Variants in GULP1 observed in about 807,000 individuals in gnomAD.
GULP1 encodes the protein PTB domain-containing engulfment adapter protein 1.
GULP1 carries 19 observed loss-of-function variants against 40.9 expected under a neutral mutation model. The ratio of observed to expected loss-of-function variants is 0.46; its 90% CI spans 0.32 to 0.68. The LOEUF (loss-of-function observed/expected upper bound fraction) is 0.68, where lower values mean the gene tolerates loss of function less well. Among genes scored for constraint, GULP1 ranks in the 30% least tolerant of loss-of-function variants. The pLI is 0.03. For missense variants in GULP1, 312 were observed against 362.2 expected (o/e 0.86, Z 1.12); for synonymous variants, 119 against 117.6 (o/e 1.01, Z -0.08).
intron 4 of GULP1, among the ~76,000 whole-genome samples, chr2:188,507,396 CTTT>C (rs5837091): frequency 3.8e-4 from 39 of 103,516 alleles, no homozygotes; most frequent in Non-Finnish European, 3.6e-4. Flanking sequence ...CATTTGTTTT[CTTT>C]TTTTTTTTTT....
At position 188,346,246 on chromosome 2, in the gene GULP1, A is replaced by AT. The variant is rs1032255697; in HGVS notation, c.-171-37515dup. Among the ~76,000 whole-genome samples the AT allele has an allele frequency of 8.1e-4, 123 of 152,174 alleles. 1 individual carries two copies. The highest frequency in any genetic ancestry group is 2.9e-3 in the African/African-American group (119 of 41,450). Reference sequence around the variant, plus strand: ...TTAAATCCATGTAATGATCAGTTGTATTATAATAGGATGTTGGCTTGAGCC... The same window carrying AT: ...TTAAATCCATGTAATGATCAGTTGTATTTATAATAGGATGTTGGCTTGAGCC... On this transcript the variant is annotated intron_variant, in intron 1 of 11. Transcript: ENST00000409830.
chr2:188,384,999 G>T (rs926094029), intron 2 of GULP1, among the ~76,000 whole-genome samples: 1 of 152,150 alleles, frequency 6.6e-6, no homozygotes, highest in Non-Finnish European at 1.5e-5. Context: ...GGTGCAGGGT[G>T]CAAGTTGTTG....
intron 2 of GULP1, among the ~76,000 whole-genome samples, chr2:188,429,065 T>C (rs2056558346): frequency 6.6e-6 from 1 of 152,192 alleles, no homozygotes; most frequent in Admixed American, 6.5e-5. Flanking sequence ...GAAACATGAC[T>C]AAATGAGTAT....
Position 188,569,372 on chromosome 2 carries a change from T to G in GULP1, c.516+17T>G, listed in dbSNP as rs750957365. 1 of 1,195,172 alleles carries G rather than the reference T, an allele frequency of 8.4e-7. No homozygotes were observed. Among genetic ancestry groups the G allele is most frequent in the South Asian group, 1.2e-5 (1 of 82,746 alleles). The allele number at this position is 1,195,172 out of a possible 1,614,324, so 74.0% of individuals were successfully genotyped here. A position where few individuals can be genotyped will look rare whatever the true frequency, so the allele number is the denominator to read the frequency against. ...CAAAAAAGAGTGAGTAAACTAAGCT[T>G]GTTGTTTTACATTTGTGTGATGTAA... On this transcript the variant is annotated intron_variant, in intron 8 of 11. Coordinates refer to ENST00000409830, the MANE Select transcript of GULP1 (RefSeq NM_016315.4).
chr2:188,414,678 G>C (rs1398134528), intron 2 of GULP1, among the ~76,000 whole-genome samples: 1 of 152,140 alleles, frequency 6.6e-6, no homozygotes, highest in Non-Finnish European at 1.5e-5. Context: ...AGGAGTTTTT[G>C]TAATATGTCA....
chr2:188,506,746 C>G (rs1410455035), intron 4 of GULP1, among the ~76,000 whole-genome samples: 1 of 151,984 alleles, frequency 6.6e-6, no homozygotes. Context: ...CCTTGTTATT[C>G]AGTAAGTAGT....
intron 1 of GULP1, among the ~76,000 whole-genome samples, chr2:188,372,243 C>T (rs1259016412): frequency 2.0e-5 from 3 of 152,060 alleles, no homozygotes; most frequent in Non-Finnish European, 2.9e-5. Context: ...TCTAGTTCTC[C>T]AGAGGAGTTA....
intron 7 of GULP1, among the ~76,000 whole-genome samples, chr2:188,556,817 C>T (rs947038838): frequency 5.3e-5 from 8 of 151,980 alleles, no homozygotes; most frequent in East Asian, 3.9e-4. Context: ...GGGTGGATCA[C>T]GAGGTCAGGA....
At chr2:188,436,998 C>T (rs185574966) in intron 2 of GULP1, among the ~76,000 whole-genome samples, 250 of 152,212 alleles carry the variant, frequency 1.6e-3, no homozygotes, top group Non-Finnish European at 2.2e-3. Flanking sequence ...ACAGCATTAT[C>T]CACTATAGTT....
chr2:188,317,337 A>T (rs2039251406), intron 1 of GULP1, among the ~76,000 whole-genome samples: 1 of 151,952 alleles, frequency 6.6e-6, no homozygotes, highest in African/African-American at 2.4e-5. Flanking sequence ...TAGGAAACAT[A>T]TTTTTACAAG....
At position 188,312,773 on chromosome 2, in the gene GULP1, A is replaced by G. The variant is rs755964049; in HGVS notation, c.-172+20607A>G. ...TTTACATTCCCCCCAACACTGTAAA[A>G]GCGTTCCTAATTCTCCACAGCCTTG... On this transcript the variant is annotated intron_variant, in intron 1 of 11. Transcript: ENST00000409830. 5.8e-4 allele frequency among the ~76,000 whole-genome samples: 88 copies of G among 152,176 alleles called. 1 individual carries two copies. The highest frequency in any genetic ancestry group is 2.2e-4 in the Non-Finnish European group (15 of 68,030).
intron 1 of GULP1, among the ~76,000 whole-genome samples, chr2:188,381,130 A>T (rs2048955137): frequency 1.3e-5 from 2 of 152,142 alleles, no homozygotes; most frequent in African/African-American, 4.8e-5. Context: ...CCCCTAAGCC[A>T]GTCTGAGTTT....
intron 1 of GULP1, among the ~76,000 whole-genome samples, chr2:188,381,109 C>T (rs765965468): frequency 6.6e-6 from 1 of 151,898 alleles, no homozygotes; most frequent in Non-Finnish European, 1.5e-5. Context: ...AAAATATGTT[C>T]AAAAGAGCAG....
chr2:188,469,539 C>T (rs997446098), intron 2 of GULP1, among the ~76,000 whole-genome samples: 2 of 152,010 alleles, frequency 1.3e-5, no homozygotes, highest in African/African-American at 4.8e-5. Flanking sequence ...CTAGTCATGG[C>T]AGTAGGCAAA....
chr2:188,342,040 A>G (rs142738126), intron 1 of GULP1, among the ~76,000 whole-genome samples: 30 of 152,306 alleles, frequency 2.0e-4, no homozygotes, highest in African/African-American at 7.2e-4. Context: ...TAACAGTCCT[A>G]AAAGTCCATT....
intron 9 of GULP1, among the ~76,000 whole-genome samples, chr2:188,570,816 T>C (rs1698864893): frequency 6.6e-6 from 1 of 152,230 alleles, no homozygotes; most frequent in Admixed American, 6.5e-5. Context: ...TCATCTGTAC[T>C]ACTGATATTC....
chr2:188,546,273 T>C (rs1691941793), intron 7 of GULP1, among the ~76,000 whole-genome samples: 1 of 151,992 alleles, frequency 6.6e-6, no homozygotes, highest in East Asian at 1.9e-4. Flanking sequence ...AGAATGTACA[T>C]TATTTTCAAG....
At chr2:188,404,428 G>A (rs1369157704) in intron 2 of GULP1, among the ~76,000 whole-genome samples, 1 of 152,136 alleles carries the variant, frequency 6.6e-6, no homozygotes, top group Non-Finnish European at 1.5e-5. Context: ...TTGGTGTGGA[G>A]ACAGATACTC....
intron 1 of GULP1, among the ~76,000 whole-genome samples, chr2:188,345,762 G>A (rs2043561364): frequency 6.6e-6 from 1 of 152,164 alleles, no homozygotes. Context: ...TTATAAAGAA[G>A]TCCATAAAGA....
Sources: gnomAD v4.1 joint callset for allele counts (sites outside exome capture counted in the v4.1 genomes callset) on GRCh38, gnomAD v4.1.1 for gene constraint, MANE v1.5 for transcripts, NCBI Gene and HGNC (gene_info 2026-07-23, HGNC 2026-07-21) for gene names.